The following NEGR1 variants were observed in gnomAD, a reference collection of about 807,000 sequenced individuals.
The protein encoded by NEGR1 is neuronal growth regulator 1.
NEGR1 carries 10 observed loss-of-function variants against 40.9 expected under a neutral mutation model. The ratio of observed to expected loss-of-function variants is 0.24; its 90% CI spans 0.15 to 0.42. The LOEUF (loss-of-function observed/expected upper bound fraction) is 0.42, where lower values mean the gene tolerates loss of function less well. Ranked by LOEUF, NEGR1 falls within the 10% of genes least tolerant of loss-of-function variation. The pLI is 1.00. For missense variants in NEGR1, 352 were observed against 438.9 expected, an observed-to-expected ratio of 0.80 and a Z score of 1.77; for synonymous variants, 185 against 166.8, an observed-to-expected ratio of 1.11 and a Z score of -0.84.
chr1:71,554,920 G>A (rs1040565328), intron 6 of NEGR1, among the ~76,000 whole-genome samples: 1 of 151,542 alleles, frequency 6.6e-6, no homozygotes, highest in African/African-American at 2.4e-5. Context: ...CTCAAGATCA[G>A]TAACCCAGTG....
intron 2 of NEGR1, among the ~76,000 whole-genome samples, chr1:71,832,071 T>G (rs1658861752): frequency 1.3e-5 from 2 of 151,744 alleles, no homozygotes; most frequent in African/African-American, 4.8e-5. Context: ...AAAAATCAAC[T>G]GAGCACCCCT....
rs138180481 is a variant in NEGR1 at position 72,043,718 on chromosome 1, C to T, written c.177-108407G>A. ...AAGATTTTGAGTTTTCCATCATGAT[C>T]GAAATTGGTCTGAATGACTTTGGAC... is the stretch of plus-strand genomic sequence containing the variant. On this transcript the variant is annotated intron_variant, in intron 1 of 6. Coordinates refer to ENST00000357731, the MANE Select transcript of NEGR1 (RefSeq NM_173808.3). Among the ~76,000 whole-genome samples, 87 of 151,842 alleles carry T rather than the reference C, an allele frequency of 5.7e-4. No individual in the cohort carries two copies. In the South Asian group the frequency reaches 8.1e-3, roughly 14 times the overall value.
chr1:71,824,420 A>T (rs508954), intron 2 of NEGR1, among the ~76,000 whole-genome samples: 59,945 of 151,464 alleles, frequency 0.4, 12,525 homozygotes, highest in East Asian at 0.66. Context: ...TGGATTCTTA[A>T]GAAAATTCTA....
chr1:71,736,343 T>A (rs895651168), intron 3 of NEGR1, among the ~76,000 whole-genome samples: 1 of 152,162 alleles, frequency 6.6e-6, no homozygotes, highest in Non-Finnish European at 1.5e-5. Flanking sequence ...CAAGAACTAT[T>A]TTTTTCCTTT....
At chr1:71,789,063 A>G (rs944814992) in intron 2 of NEGR1, among the ~76,000 whole-genome samples, 3 of 152,110 alleles carry the variant, frequency 2.0e-5, no homozygotes. Context: ...ATACCAAGAT[A>G]TTTTTTGGAA....
chr1:71,941,334 C>A (rs898310732), intron 1 of NEGR1, among the ~76,000 whole-genome samples: 7 of 149,202 alleles, frequency 4.7e-5, no homozygotes, highest in African/African-American at 1.7e-4. Context: ...TTCTCCCCTA[C>A]CTTTGTTTTT....
intron 1 of NEGR1, among the ~76,000 whole-genome samples, chr1:72,266,763 A>ACACACC (rs1237603763): frequency 2.7e-5 from 4 of 148,620 alleles, no homozygotes; most frequent in Non-Finnish European, 6.0e-5. Context: ...ACACACACAC[A>ACACACC]CCAATTTGGA....
intron 2 of NEGR1, among the ~76,000 whole-genome samples, chr1:71,783,471 T>C (rs951353105): frequency 6.6e-6 from 1 of 152,154 alleles, no homozygotes; most frequent in African/African-American, 2.4e-5. Flanking sequence ...GCTGATAGAC[T>C]ATGACTGACT....
At chr1:72,255,508 T>C (rs1331196281) in intron 1 of NEGR1, among the ~76,000 whole-genome samples, 1 of 152,080 alleles carries the variant, frequency 6.6e-6, no homozygotes, top group East Asian at 1.9e-4. Context: ...TAAGATTTAC[T>C]TATTTAAGAA....
intron 1 of NEGR1, among the ~76,000 whole-genome samples, chr1:71,967,402 C>G (rs1375953573): frequency 1.3e-5 from 2 of 151,992 alleles, no homozygotes; most frequent in African/African-American, 4.8e-5. Flanking sequence ...ACTCAGGCAA[C>G]AGTGGATATA....
At chr1:71,717,300 C>A (rs574876508) in intron 3 of NEGR1, among the ~76,000 whole-genome samples, 3 of 152,198 alleles carry the variant, frequency 2.0e-5, no homozygotes, top group Non-Finnish European at 2.9e-5. Context: ...GTTTACATGT[C>A]CTCTATGCCT....
intron 1 of NEGR1, among the ~76,000 whole-genome samples, chr1:72,073,232 C>G (rs78041287): frequency 0.015 from 2,233 of 152,134 alleles, 52 homozygotes; most frequent in African/African-American, 0.051. Flanking sequence ...GAGGATCGAT[C>G]AATAGATGAA....
chr1:71,685,323 C>CT (rs10667208), intron 4 of NEGR1, among the ~76,000 whole-genome samples: 2,579 of 136,600 alleles, frequency 0.019, 40 homozygotes, highest in Middle Eastern at 0.062. Context: ...ATTGACATTA[C>CT]TTTTTTTTTT....
At position 72,257,133 on chromosome 1, in the gene NEGR1, T is replaced by G. The variant is rs543371243; in HGVS notation, c.176+25186A>C. On this transcript the variant is annotated intron_variant, in intron 1 of 6. Coordinates refer to ENST00000357731, the MANE Select transcript of NEGR1 (RefSeq NM_173808.3). ...GTCAGGAGATTGAGACCATCCCGGCTAAAACGGTGAAACCCCGTCTCTACT... is the reference window on the plus strand; with the variant it reads ...GTCAGGAGATTGAGACCATCCCGGCGAAAACGGTGAAACCCCGTCTCTACT... Among the ~76,000 whole-genome samples the G allele has an allele frequency of 2.0e-5, 3 of 151,892 alleles. No individual in the cohort carries two copies. The East Asian group carries it at 5.8e-4, about 30-fold the overall frequency.
chr1:71,905,864 C>CAAA (rs34891986), intron 2 of NEGR1, among the ~76,000 whole-genome samples: 6 of 106,656 alleles, frequency 5.6e-5, no homozygotes, highest in South Asian at 2.8e-4. Context: ...GAGGTTGTTA[C>CAAA]AAAAAAAAAA....
At chr1:71,810,553 T>C (rs1657964085) in intron 2 of NEGR1, among the ~76,000 whole-genome samples, 1 of 152,222 alleles carries the variant, frequency 6.6e-6, no homozygotes, top group South Asian at 2.1e-4. Context: ...TTAAGATTTG[T>C]CAAATTTATT....
chr1:71,791,261 C>A (rs182354908), intron 2 of NEGR1, among the ~76,000 whole-genome samples: 1 of 151,896 alleles, frequency 6.6e-6, no homozygotes, highest in Non-Finnish European at 1.5e-5. Flanking sequence ...TTAAATTATA[C>A]TAAAAGCAAA....
chr1:72,064,247 A>C (rs140356921), intron 1 of NEGR1, among the ~76,000 whole-genome samples: 80 of 152,040 alleles, frequency 5.3e-4, no homozygotes, highest in African/African-American at 1.9e-3. Context: ...TCCCAGAAGG[A>C]ACATTTTTAC....
intron 4 of NEGR1, among the ~76,000 whole-genome samples, chr1:71,692,183 A>G (rs1285182043): frequency 1.3e-5 from 2 of 151,792 alleles, no homozygotes; most frequent in Admixed American, 1.3e-4. Flanking sequence ...ATGTAGATGT[A>G]CCAAAGTGTA....
Sources: allele counts gnomAD v4.1 joint callset (sites outside exome capture counted in the v4.1 genomes callset), GRCh38; gene constraint gnomAD v4.1.1; transcripts MANE v1.5; gene names NCBI Gene and HGNC (gene_info 2026-07-23, HGNC 2026-07-21).